Variants in WBP2NL observed in about 807,000 individuals in gnomAD.
WBP2NL encodes postacrosomal sheath WW domain-binding protein.
Under a neutral mutation model 23.3 loss-of-function variants are expected in WBP2NL, and 27 were observed. That is an observed-to-expected ratio of 1.16 (90% CI 0.85 to 1.60). The LOEUF is 1.60. WBP2NL is among the 40% of genes most tolerant of loss of function. WBP2NL has a pLI of 0.00. For missense variants in WBP2NL, 370 were observed against 389.5 expected, an observed-to-expected ratio of 0.95 and a Z score of 0.42; for synonymous variants, 151 against 145.9, an observed-to-expected ratio of 1.03 and a Z score of -0.25.
chr22:42,009,581 C>T (rs1004056181), intron 1 of WBP2NL, among the ~76,000 whole-genome samples: 1 of 152,212 alleles, frequency 6.6e-6, no homozygotes, highest in Admixed American at 6.5e-5. Context: ...TTGTCTTTTC[C>T]TCACTGAGTC....
At chr22:42,010,246 G>A (rs1781042552) in intron 1 of WBP2NL, among the ~76,000 whole-genome samples, 2 of 152,078 alleles carry the variant, frequency 1.3e-5, no homozygotes, top group Non-Finnish European at 1.5e-5. Context: ...ATCTGTGAAC[G>A]GAGTTAATTT....
chr22:42,012,634 G>A (rs1470771018), intron 1 of WBP2NL, among the ~76,000 whole-genome samples: 2 of 152,094 alleles, frequency 1.3e-5, no homozygotes, highest in Middle Eastern at 6.3e-3. Context: ...ATTTGGTAAT[G>A]TCTTAATTTC....
chr22:42,056,732 T>C (rs921582248), intron 8 of WBP2NL, among the ~76,000 whole-genome samples: 1 of 152,156 alleles, frequency 6.6e-6, no homozygotes, highest in Non-Finnish European at 1.5e-5. Context: ...GGCTGCATAG[T>C]AGGTGTATAT....
chr22:42,020,154 G>T (rs1207787658), intron 4 of WBP2NL, 58 bp downstream of exon 4: 40 of 1,474,832 alleles, frequency 2.7e-5, no homozygotes, highest in Non-Finnish European at 3.5e-5. Context: ...GTTTGTTTGG[G>T]TTTTTTGTTG....
rs1378417110 is a variant in WBP2NL, at chr22:42,019,270, A to C, written c.63-41A>C. The stretch of plus-strand genomic sequence containing the variant: ...GAACTTTATGTGTGTCATTTTACAT[A>C]CATTCTTTATTGTGTGCCGTCTGTT... On this transcript the variant is annotated intron_variant, in intron 1 of 5. Coordinates refer to ENST00000328823, the MANE Select transcript of WBP2NL (RefSeq NM_152613.3). The C allele has an allele frequency of 1.9e-6, 3 of 1,553,602 alleles. No individual in the cohort carries two copies. The African/African-American group carries it at 4.2e-5, about 22-fold the overall frequency.
intron 1 of WBP2NL, among the ~76,000 whole-genome samples, chr22:42,012,187 TA>T (rs1453594049): frequency 7.2e-5 from 11 of 152,142 alleles, no homozygotes; most frequent in Admixed American, 7.2e-4. Context: ...TTTTTTTTCT[TA>T]TTTTTTTCTA....
At chr22:42,020,866 GTGTATATATATATATATATATATATATA>G (rs1923849879) in intron 4 of WBP2NL, among the ~76,000 whole-genome samples, 1 of 15,598 alleles carries the variant, frequency 6.4e-5, no homozygotes, top group Non-Finnish European at 9.1e-5. Flanking sequence ...GTGTGTGTGT[GTGTATATATATATATATATATATATATA>G]TATATATATA....
intron 8 of WBP2NL, among the ~76,000 whole-genome samples, chr22:42,047,080 CA>C (rs1247076182): frequency 4.6e-5 from 7 of 152,034 alleles, no homozygotes; most frequent in East Asian, 3.9e-4. Flanking sequence ...TCGTGAGAGA[CA>C]ACATAGCAAT....
chr22:42,022,408 G>C, intron 5 of WBP2NL, 52 bp downstream of exon 5: 1 of 1,493,096 alleles, frequency 6.7e-7, no homozygotes, highest in Non-Finnish European at 9.2e-7. Context: ...TATGCCAGAG[G>C]CTCAAAGATC....
At chr22:42,014,361 G>A (rs1365135719) in intron 1 of WBP2NL, among the ~76,000 whole-genome samples, 1 of 152,142 alleles carries the variant, frequency 6.6e-6, no homozygotes, top group Non-Finnish European at 1.5e-5. Flanking sequence ...GGATAGGTGG[G>A]ACTGTAGGTG....
chr22:42,054,715 T>TAAAAAA (rs57938269), intron 8 of WBP2NL, among the ~76,000 whole-genome samples: 1 of 139,188 alleles, frequency 7.2e-6, no homozygotes, highest in African/African-American at 2.6e-5. Context: ...AGTACCTTTG[T>TAAAAAA]AAAAAAAAAA....
At chr22:42,001,731 C>A in intron 1 of WBP2NL, 1 of 1,210,912 alleles carries the variant, frequency 8.3e-7, no homozygotes, top group Non-Finnish European at 1.2e-6. Context: ...GGGGAAGTAT[C>A]TGATGACACT....
chr22:42,023,057 G>C (rs1266062752), intron 5 of WBP2NL, among the ~76,000 whole-genome samples: 1 of 152,132 alleles, frequency 6.6e-6, no homozygotes, highest in Non-Finnish European at 1.5e-5. Flanking sequence ...TTTTCAGTTG[G>C]TGAAATTCAC....
At position 41,998,857 on chromosome 22, in the gene WBP2NL, A is replaced by G. The variant is rs1194220553; in HGVS notation, c.39A>G (p.Gly13=). 1.2e-6 allele frequency: 2 copies of G among 1,610,916 alleles called. No individual in the cohort carries two copies. Among genetic ancestry groups the G allele is most frequent in the African/African-American group, 2.7e-5 (2 of 74,462 alleles). Reference sequence around the variant, plus strand: ...AGAGCCACACCGAGAACCGCCGCGGAGCCCTCATCCCTAACGGTGAAAGGT... The same window carrying G: ...AGAGCCACACCGAGAACCGCCGCGGGGCCCTCATCCCTAACGGTGAAAGGT... The part of the protein sequence containing the change: ...VNQSHTENRR[G]ALIPNGESLL... Residue 13 remains glycine, a synonymous_variant, in exon 1 of 6, where the codon GGA becomes GGG. Coordinates refer to ENST00000328823, the MANE Select transcript of WBP2NL (RefSeq NM_152613.3).
intron 8 of WBP2NL, among the ~76,000 whole-genome samples, chr22:42,042,059 C>G (rs995027287): frequency 2.0e-5 from 3 of 152,198 alleles, no homozygotes; most frequent in Non-Finnish European, 4.4e-5. Context: ...CATAGGGATT[C>G]CCTTGAATGA....
chr22:42,003,214 G>C (rs112542326), intron 1 of WBP2NL: 1 of 12,794 alleles, frequency 7.8e-5, no homozygotes, highest in East Asian at 0.017. Context: ...CTCTCCAGAG[G>C]GGTAACCTGC....
In WBP2NL at chr22:42,019,805, T is replaced by C. The variant is rs1444294886; in HGVS notation, c.313+2T>C. 4 of 1,614,080 alleles carry C rather than the reference T, an allele frequency of 2.5e-6. No homozygotes were observed. Among genetic ancestry groups the C allele is most frequent in the Admixed American group, 3.3e-5 (2 of 59,986 alleles). ...GAACTATTCAGGCAGCTCCATATGGTAAGTGTTCCCTCAGAAGTGTGTATT... is the reference window on the plus strand; with the variant it reads ...GAACTATTCAGGCAGCTCCATATGGCAAGTGTTCCCTCAGAAGTGTGTATT... On this transcript the variant is annotated splice_donor_variant, in intron 3 of 5. Coordinates refer to ENST00000328823, the MANE Select transcript of WBP2NL (RefSeq NM_152613.3). LOFTEE classifies it high-confidence loss of function.
chr22:42,025,210 A>T (rs2146798586), intron 5 of WBP2NL, among the ~76,000 whole-genome samples: 1 of 152,308 alleles, frequency 6.6e-6, no homozygotes, highest in South Asian at 2.1e-4. Context: ...CAATGTCATG[A>T]AGATTTATCC....
chr22:42,004,593 C>T (rs552479419), intron 1 of WBP2NL, among the ~76,000 whole-genome samples: 11 of 151,818 alleles, frequency 7.2e-5, no homozygotes, highest in African/African-American at 2.7e-4. Flanking sequence ...AGAGTGAGAC[C>T]CTGTCTCAAA....
Sources: allele counts gnomAD v4.1 joint callset (sites outside exome capture counted in the v4.1 genomes callset), GRCh38; gene constraint gnomAD v4.1.1; transcripts MANE v1.5; gene names NCBI Gene and HGNC (gene_info 2026-07-23, HGNC 2026-07-21).